Variants in ARHGAP23 observed in about 807,000 individuals in gnomAD.
ARHGAP23 encodes the protein Rho GTPase activating protein 23, also known as rho GTPase-activating protein 23.
A neutral mutation model predicts 136.3 loss-of-function variants in ARHGAP23; 34 were observed. That is an observed-to-expected ratio of 0.25 (90% CI 0.19 to 0.33). The LOEUF (loss-of-function observed/expected upper bound fraction) is 0.33, where lower values mean the gene tolerates loss of function less well. ARHGAP23 is among the 10% of genes least tolerant of loss of function. ARHGAP23 has a pLI of 1.00. For missense variants in ARHGAP23, 1,808 were observed against 2,139.0 expected, an observed-to-expected ratio of 0.85 and a Z score of 3.05; for synonymous variants, 832 against 920.5, an observed-to-expected ratio of 0.90 and a Z score of 1.74.
chr17:38,480,803 CAAAAAAAAA>C (rs764004002), intron 14 of ARHGAP23, among the ~76,000 whole-genome samples: 3 of 48,312 alleles, frequency 6.2e-5, no homozygotes, highest in Non-Finnish European at 1.3e-4. Flanking sequence ...GACCCTGTCT[CAAAAAAAAA>C]AAAAAAAAAA....
At chr17:38,426,550 C>CAAAAAAAAAAAAAAAAAAAAAAAAAA (rs751365956), upstream of ARHGAP23, among the ~76,000 whole-genome samples, 17 of 51,216 alleles carry the variant, frequency 3.3e-4, no homozygotes, top group East Asian at 9.6e-4. Context: ...AACTCCATCT[C>CAAAAAAAAAAAAAAAAAAAAAAAAAA]AAAAAAAAAA....
rs536219838 is a variant in ARHGAP23, at chr17:38,497,774, C to T, written c.3277-11C>T. On this transcript the variant is annotated splice_polypyrimidine_tract_variant and intron_variant, in intron 20 of 23. Transcript: ENST00000622683. ...TGCTGATTTCATCCCTTCCTTTTGT[C>T]TTCTCTGCAGTCAGACTGGTTCTTC... 6.4e-7 allele frequency: 1 copy of T among 1,550,836 alleles called. No homozygotes were observed. Among genetic ancestry groups the T allele is most frequent in the East Asian group, 2.4e-5 (1 of 40,906 alleles).
At chr17:38,429,068 G>GCGGGA (rs567671493) in intron 1 of ARHGAP23, among the ~76,000 whole-genome samples, 258 of 152,322 alleles carry the variant, frequency 1.7e-3, no homozygotes, top group African/African-American at 5.7e-3. Flanking sequence ...GGGTCGGACT[G>GCGGGA]CGGGACGGGT....
chr17:38,500,659 T>TACAAGGCTTG, intron 23 of ARHGAP23, 31 bp downstream of exon 23: 1 of 1,544,126 alleles, frequency 6.5e-7, no homozygotes, highest in Non-Finnish European at 8.8e-7. Flanking sequence ...GAAGGCTTGA[T>TACAAGGCTTG]CCCTGTACAA....
chr17:38,422,894 C>T (rs1335471510), intron 1 of ARHGAP23, among the ~76,000 whole-genome samples: 1 of 152,116 alleles, frequency 6.6e-6, no homozygotes, highest in African/African-American at 2.4e-5. Flanking sequence ...CAGTGAGGTT[C>T]ACTCTATGGG....
chr17:38,423,506 G>A (rs948971629), upstream of ARHGAP23, among the ~76,000 whole-genome samples: 6 of 151,780 alleles, frequency 4.0e-5, no homozygotes, highest in African/African-American at 1.5e-4. Context: ...TGAGTAGCTG[G>A]GATTACAGGC....
intron 1 of ARHGAP23, among the ~76,000 whole-genome samples, 188 bp downstream of exon 1, chr17:38,428,736 G>T (rs974042755): frequency 6.6e-6 from 1 of 152,150 alleles, no homozygotes; most frequent in Non-Finnish European, 1.5e-5. Flanking sequence ...AGCAAGAGCT[G>T]TCCGGGGTAG....
At chr17:38,437,341 G>T (rs1434640728) in intron 1 of ARHGAP23, among the ~76,000 whole-genome samples, 1 of 151,926 alleles carries the variant, frequency 6.6e-6, no homozygotes, top group African/African-American at 2.4e-5. Flanking sequence ...GCCTAGGCTG[G>T]TCTTGAACTC....
chr17:38,453,453 G>GTGTGTA (rs1437599541), intron 1 of ARHGAP23, among the ~76,000 whole-genome samples: 1 of 140,380 alleles, frequency 7.1e-6, no homozygotes, highest in Non-Finnish European at 1.5e-5. Context: ...GTGTGTGTGT[G>GTGTGTA]TGTGTGTGCG....
chr17:38,493,818 G>C (rs1270374091), intron 20 of ARHGAP23, among the ~76,000 whole-genome samples: 1 of 152,232 alleles, frequency 6.6e-6, no homozygotes, highest in East Asian at 1.9e-4. Flanking sequence ...GCAGAGAGGA[G>C]AGCAAACCTG....
Position 38,511,233 on chromosome 17 carries a change from C to T in ARHGAP23, c.*261C>T. 2.3e-6 allele frequency: 1 copy of T among 433,836 alleles called. No homozygotes were observed. The highest frequency in any genetic ancestry group is 5.8e-5 in the South Asian group (1 of 17,188). 26.9% of individuals were successfully genotyped at this position (433,836 alleles called of 1,614,324 possible). On this transcript the variant is annotated 3_prime_UTR_variant, in exon 24 of 24. Transcript: ENST00000622683. ...GCGTGGGCTGCTGGGGTCTGTGTCC[C>T]TGCACACATGCGCCCGATAGGTCCT...
At chr17:38,485,689 A>G (rs1037377833) in intron 16 of ARHGAP23, among the ~76,000 whole-genome samples, 1 of 152,150 alleles carries the variant, frequency 6.6e-6, no homozygotes, top group Non-Finnish European at 1.5e-5. Flanking sequence ...AAACCAGCAC[A>G]TGCAGAGGAC....
At chr17:38,441,677 T>C (rs1279467200) in intron 1 of ARHGAP23, among the ~76,000 whole-genome samples, 2 of 152,168 alleles carry the variant, frequency 1.3e-5, no homozygotes, top group African/African-American at 4.8e-5. Context: ...CTTAGCTTGC[T>C]AAGTTAAACA....
Position 38,432,129 on chromosome 17 carries a change from G to A in ARHGAP23, c.63+3581G>A, listed in dbSNP as rs568210001. ...CACTGTGATGTTCCATCTCATATCC[G>A]TCTACCCTACCAGGTAGGAGTTATT... On this transcript the variant is annotated intron_variant, in intron 1 of 23. Transcript: ENST00000622683. 7.2e-5 allele frequency among the ~76,000 whole-genome samples: 11 copies of A among 152,274 alleles called. No homozygotes were observed. In the East Asian group the frequency reaches 1.3e-3, roughly 19 times the overall value.
rs1190876310 is a variant in ARHGAP23, at chr17:38,469,577, C to T, written c.1858C>T (p.Arg620Cys). The T allele has an allele frequency of 6.5e-7, 1 of 1,548,706 alleles. No homozygotes were observed. Among genetic ancestry groups the T allele is most frequent in the Non-Finnish European group, 8.7e-7 (1 of 1,146,732 alleles). ...SSYLLAITTE[R>C]SKSCDDGLNT... ...CTACCTGCTGGCCATCACCACGGAG[C>T]GCTCCAAGTCCTGCGATGATGGACT... Residue 620 changes from arginine to cysteine, a missense_variant, in exon 9 of 24, where the codon CGC (arginine) becomes TGC (cysteine). Arg to Cys is a radical substitution (Grantham distance 180, BLOSUM62 -3). Coordinates refer to ENST00000622683, the MANE Select transcript of ARHGAP23 (RefSeq NM_001199417.2).
At chr17:38,472,519 G>C (rs1485203499) in intron 11 of ARHGAP23, among the ~76,000 whole-genome samples, 1 of 151,806 alleles carries the variant, frequency 6.6e-6, no homozygotes, top group Non-Finnish European at 1.5e-5. Context: ...GAGGCAAGAA[G>C]ACCAATTAGG....
rs748588614 is a variant in ARHGAP23, at chr17:38,482,584, C to T, written c.2813C>T (p.Thr938Ile). 20 of 1,550,210 alleles carry T rather than the reference C, an allele frequency of 1.3e-5. No homozygotes were observed. The highest frequency in any genetic ancestry group is 9.5e-5 in the South Asian group (8 of 84,010). ...GTGGAGGCACGAGGGCTGGAGTCCA[C>T]AGGCATTTACCGAGTGCCCGGCAAC... ...RIVEARGLES[T>I]GIYRVPGNNA... Residue 938 changes from threonine (T) to isoleucine (I), a missense_variant, in exon 16 of 24, where the codon ACA (threonine) becomes ATA (isoleucine). Coordinates refer to ENST00000622683, the MANE Select transcript of ARHGAP23 (RefSeq NM_001199417.2).
intron 1 of ARHGAP23, among the ~76,000 whole-genome samples, chr17:38,434,232 G>A (rs1477596252): frequency 6.6e-6 from 1 of 152,228 alleles, no homozygotes; most frequent in Non-Finnish European, 1.5e-5. Flanking sequence ...TCCTGGAGGA[G>A]GAGCCAGGGC....
chr17:38,454,764 A>G (rs149969595), intron 1 of ARHGAP23, among the ~76,000 whole-genome samples: 65 of 152,240 alleles, frequency 4.3e-4, no homozygotes, highest in African/African-American at 1.5e-3. Flanking sequence ...TGCTCCCTGC[A>G]ATGACCTCTT....
Sources: gnomAD v4.1 joint callset for allele counts (sites outside exome capture counted in the v4.1 genomes callset) on GRCh38, gnomAD v4.1.1 for gene constraint, MANE v1.5 for transcripts, NCBI Gene and HGNC (gene_info 2026-07-23, HGNC 2026-07-21) for gene names.